PDE4D: variants seen among roughly 807,000 people sequenced by gnomAD.
The protein encoded by PDE4D is 3',5'-cyclic-AMP phosphodiesterase 4D.
A neutral mutation model predicts 87.4 loss-of-function variants in PDE4D; 24 were observed. The observed-to-expected ratio is 0.27, with a 90% CI of 0.20 to 0.39. The LOEUF (loss-of-function observed/expected upper bound fraction) is 0.39, where lower values mean the gene tolerates loss of function less well. PDE4D is among the 10% of genes least tolerant of loss of function. The pLI, the probability that PDE4D is intolerant of heterozygous loss-of-function variation, is 1.00. For missense variants in PDE4D, 714 were observed against 1,041.0 expected (o/e 0.69, Z 4.32); for synonymous variants, 384 against 383.2 (o/e 1.00, Z -0.02).
intron 2 of PDE4D, among the ~76,000 whole-genome samples, chr5:60,132,005 C>G (rs1779634871): frequency 6.6e-6 from 1 of 152,178 alleles, no homozygotes; most frequent in Non-Finnish European, 1.5e-5. Flanking sequence ...ATTTCATCTT[C>G]CAGAAATTCG....
Position 58,991,898 on chromosome 5 carries a change from A to G in PDE4D, c.1122T>C (p.Ser374=), listed in dbSNP as rs773155367. ...ISGVKKLMHS[S]SLTNSSIPRF... ...TTGGGATACTTGAATTAGTCAGACT[A>G]GAGCTGTGCATCAATTTCTTGACTC... is the stretch of plus-strand genomic sequence containing the variant. Residue 374 remains serine (S), a synonymous_variant, in exon 8 of 15, where the codon TCT becomes TCC. Coordinates refer to ENST00000340635, the MANE Select transcript of PDE4D (RefSeq NM_001104631.2). 6.2e-7 allele frequency: 1 copy of G among 1,605,762 alleles called. No homozygotes were observed. The highest frequency in any genetic ancestry group is 1.7e-5 in the Admixed American group (1 of 59,042).
intron 2 of PDE4D, among the ~76,000 whole-genome samples, chr5:60,084,389 CGTGT>C (rs5868220): frequency 0.032 from 4,852 of 151,422 alleles, 97 homozygotes; most frequent in East Asian, 0.072. Context: ...CGCATCTTAA[CGTGT>C]GTGTGTGTGT....
intron 2 of PDE4D, among the ~76,000 whole-genome samples, chr5:60,030,435 C>A (rs546841956): frequency 2.0e-3 from 300 of 152,140 alleles, no homozygotes; most frequent in African/African-American, 6.9e-3. Flanking sequence ...CCGGCCTGGG[C>A]GACAGAGCGA....
chr5:60,327,114 T>C (rs763428085), intron 1 of PDE4D, among the ~76,000 whole-genome samples: 6 of 152,150 alleles, frequency 3.9e-5, no homozygotes, highest in Non-Finnish European at 7.4e-5. Flanking sequence ...CAGGTAGACC[T>C]GATAATGAAA....
intron 5 of PDE4D, among the ~76,000 whole-genome samples, chr5:59,066,561 G>A (rs1763968136): frequency 2.0e-5 from 3 of 152,140 alleles, no homozygotes. Flanking sequence ...TGGATGACTA[G>A]CAAAGGAAGT....
chr5:59,973,270 T>TA (rs1191350276), intron 3 of PDE4D, among the ~76,000 whole-genome samples: 2 of 152,068 alleles, frequency 1.3e-5, no homozygotes, highest in African/African-American at 2.4e-5. Context: ...GTGAGAAAAA[T>TA]AAAAAACCAC....
At chr5:60,422,515 G>A (rs1005348319) in intron 1 of PDE4D, among the ~76,000 whole-genome samples, 3 of 152,152 alleles carry the variant, frequency 2.0e-5, no homozygotes, top group Non-Finnish European at 2.9e-5. Flanking sequence ...GTCACCACAA[G>A]GCCTGCCCTA....
In PDE4D at chr5:59,950,443, G is replaced by T. The variant is rs1329790210; in HGVS notation, c.272+38045C>A. 2.0e-5 allele frequency among the ~76,000 whole-genome samples: 3 copies of T among 152,062 alleles called. No homozygotes were observed. The South Asian group carries it at 6.2e-4, about 32-fold the overall frequency. On this transcript the variant is annotated intron_variant, in intron 3 of 16. Transcript: ENST00000502484. The stretch of plus-strand genomic sequence containing the variant: ...ATTAGATCTTCAGTAATATTCATAA[G>T]TATTATAAAATAGATGCTACATTTT...
intron 1 of PDE4D, among the ~76,000 whole-genome samples, chr5:60,399,499 A>C (rs1469916036): frequency 1.3e-5 from 2 of 152,226 alleles, no homozygotes; most frequent in Non-Finnish European, 2.9e-5. Context: ...CCATTACAGC[A>C]GTCAAGATAG....
intron 1 of PDE4D, among the ~76,000 whole-genome samples, chr5:59,352,800 A>G (rs896538800): frequency 2.0e-5 from 3 of 152,172 alleles, no homozygotes; most frequent in African/African-American, 4.8e-5. Flanking sequence ...TCTACTGTTC[A>G]GTCTATGTCA....
rs749919184 is a variant in PDE4D at position 59,791,025 on chromosome 5, G to A, written c.455+102143C>T. 1.1e-4 allele frequency among the ~76,000 whole-genome samples: 17 copies of A among 152,282 alleles called. 1 individual carries two copies. The highest frequency in any genetic ancestry group is 4.1e-4 in the South Asian group (2 of 4,828). On this transcript the variant is annotated intron_variant, in intron 1 of 14. Transcript: ENST00000340635. ...ATTCTCTTCCTAAGAAAGAGAATGCGCCTTGTCCCTGTCTGAGGAAGACTT... is the reference window on the plus strand; with the variant it reads ...ATTCTCTTCCTAAGAAAGAGAATGCACCTTGTCCCTGTCTGAGGAAGACTT...
chr5:59,862,809 G>C (rs1231374348), intron 1 of PDE4D, among the ~76,000 whole-genome samples: 1 of 152,082 alleles, frequency 6.6e-6, no homozygotes, highest in African/African-American at 2.4e-5. Flanking sequence ...GCTCAATTGG[G>C]TAATGACAAA....
At chr5:59,492,373 T>G (rs1403977065) in intron 1 of PDE4D, among the ~76,000 whole-genome samples, 1 of 152,180 alleles carries the variant, frequency 6.6e-6, no homozygotes, top group Non-Finnish European at 1.5e-5. Flanking sequence ...GAGAGTGAGG[T>G]TGCTCACACT....
At chr5:60,078,782 A>G (rs938018608) in intron 2 of PDE4D, among the ~76,000 whole-genome samples, 1 of 152,148 alleles carries the variant, frequency 6.6e-6, no homozygotes, top group Middle Eastern at 3.2e-3. Context: ...TAACCAGTCT[A>G]TCATTGATGG....
At chr5:59,601,481 C>T (rs557510846) in intron 1 of PDE4D, among the ~76,000 whole-genome samples, 2 of 151,622 alleles carry the variant, frequency 1.3e-5, no homozygotes, top group African/African-American at 4.8e-5. Context: ...TTAATCTTAA[C>T]TGTTCTGTAG....
intron 1 of PDE4D, among the ~76,000 whole-genome samples, chr5:59,351,185 C>A (rs1780478277): frequency 6.6e-6 from 1 of 152,056 alleles, no homozygotes; most frequent in Non-Finnish European, 1.5e-5. Flanking sequence ...TTTTAATTTT[C>A]TATTTATGTA....
At chr5:60,138,266 TAA>T (rs1421914860) in intron 2 of PDE4D, among the ~76,000 whole-genome samples, 2 of 152,064 alleles carry the variant, frequency 1.3e-5, no homozygotes, top group Non-Finnish European at 2.9e-5. Context: ...CTTTTAACTT[TAA>T]ATATTTTTCA....
In PDE4D at chr5:59,298,283, T is replaced by C. The variant is rs933579875; in HGVS notation, c.456-82315A>G. ...GGTATGCACCACCACACCAGGCTAA[T>C]TTTTGTATTTTTAGTAGAGATGGGG... is the stretch of plus-strand genomic sequence containing the variant. On this transcript the variant is annotated intron_variant, in intron 1 of 14. Coordinates refer to ENST00000340635, the MANE Select transcript of PDE4D (RefSeq NM_001104631.2). Among the ~76,000 whole-genome samples the C allele has an allele frequency of 1.6e-4, 24 of 151,988 alleles. 1 individual carries two copies. Among genetic ancestry groups the C allele is most frequent in the South Asian group, 6.3e-4 (3 of 4,798 alleles).
At chr5:59,267,389 A>G (rs1342171739) in intron 1 of PDE4D, among the ~76,000 whole-genome samples, 1 of 152,098 alleles carries the variant, frequency 6.6e-6, no homozygotes, top group East Asian at 1.9e-4. Context: ...CACTAAAAAG[A>G]GCTCAATTTC....
Sources: gnomAD v4.1 joint callset for allele counts (sites outside exome capture counted in the v4.1 genomes callset) on GRCh38, gnomAD v4.1.1 for gene constraint, MANE v1.5 for transcripts, NCBI Gene and HGNC (gene_info 2026-07-23, HGNC 2026-07-21) for gene names.